The following CENPP variants were observed in gnomAD, a reference collection of about 807,000 sequenced individuals.
CENPP encodes the protein centromere protein P.
Under a neutral mutation model 35.6 loss-of-function variants are expected in CENPP, and 24 were observed. That is an observed-to-expected ratio of 0.67 (90% CI 0.49 to 0.95). The LOEUF is 0.95. Among genes scored for constraint, CENPP ranks in the 40% least tolerant of loss-of-function variants. CENPP has a pLI of 0.00. For synonymous variants in CENPP, 120 were observed against 125.5 expected, an observed-to-expected ratio of 0.96 and a Z score of 0.29; for missense variants, 332 against 345.3, an observed-to-expected ratio of 0.96 and a Z score of 0.31.
At chr9:92,477,816 TA>T (rs1298257737) in intron 5 of CENPP, among the ~76,000 whole-genome samples, 11 of 152,070 alleles carry the variant, frequency 7.2e-5, no homozygotes, top group Non-Finnish European at 5.9e-5. Context: ...TCAGGTACAT[TA>T]ATAGAAAAAC....
chr9:92,358,283 C>T (rs1167223707), intron 4 of CENPP, among the ~76,000 whole-genome samples: 1 of 151,874 alleles, frequency 6.6e-6, no homozygotes, highest in Non-Finnish European at 1.5e-5. Context: ...CCCTCTGTCA[C>T]CCAGGCTAGA....
intron 5 of CENPP, among the ~76,000 whole-genome samples, chr9:92,452,390 C>T (rs1844738566): frequency 6.6e-6 from 1 of 152,134 alleles, no homozygotes; most frequent in African/African-American, 2.4e-5. Flanking sequence ...TGTTTATATG[C>T]TGGATTACAT....
intron 5 of CENPP, chr9:92,459,599 C>T (rs893798348): frequency 1.2e-6 from 2 of 1,601,448 alleles, no homozygotes; most frequent in Non-Finnish European, 1.7e-6. Context: ...AGAAAAATAC[C>T]AATATCTACT....
chr9:92,495,323 G>A, intron 5 of CENPP: 2 of 890,236 alleles, frequency 2.2e-6, no homozygotes, highest in Non-Finnish European at 2.7e-6. Flanking sequence ...CATTATGTTA[G>A]AAAATTTTAA....
chr9:92,423,527 T>A (rs1174847717), intron 5 of CENPP, among the ~76,000 whole-genome samples: 4 of 152,176 alleles, frequency 2.6e-5, no homozygotes, highest in Non-Finnish European at 5.9e-5. Context: ...GCATATAATT[T>A]AGATTTTTCC....
intron 5 of CENPP, among the ~76,000 whole-genome samples, chr9:92,536,982 G>A (rs1321304557): frequency 6.6e-6 from 1 of 150,536 alleles, no homozygotes. Context: ...GGATTCTCCT[G>A]CCTCAGCTTC....
intron 5 of CENPP, among the ~76,000 whole-genome samples, chr9:92,552,922 C>T (rs936470510): frequency 1.3e-4 from 19 of 151,722 alleles, no homozygotes; most frequent in African/African-American, 4.6e-4. Context: ...AGGCCAATGT[C>T]TATTTATTTA....
intron 5 of CENPP, among the ~76,000 whole-genome samples, chr9:92,440,874 TA>T (rs1173130970): frequency 3.3e-5 from 5 of 152,182 alleles, no homozygotes; most frequent in African/African-American, 9.7e-5. Flanking sequence ...TATTGTTCAG[TA>T]AGTCCTCACT....
At chr9:92,486,712 G>A (rs1315960188) in intron 5 of CENPP, among the ~76,000 whole-genome samples, 3 of 151,220 alleles carry the variant, frequency 2.0e-5, no homozygotes, top group Non-Finnish European at 4.4e-5. Flanking sequence ...GTCACTAAAT[G>A]TTCATTCCGT....
intron 5 of CENPP, among the ~76,000 whole-genome samples, chr9:92,595,125 T>C (rs1850748509): frequency 6.6e-6 from 1 of 152,200 alleles, no homozygotes; most frequent in South Asian, 2.1e-4. Flanking sequence ...CTTGAACTCC[T>C]GACCTCAGGT....
rs1194107271 is a variant in CENPP at position 92,523,398 on chromosome 9, A to C, written c.565-87916A>C. Among the ~76,000 whole-genome samples the C allele has an allele frequency of 5.3e-5, 8 of 152,324 alleles. 1 individual carries two copies. The highest frequency in any genetic ancestry group is 1.9e-4 in the African/African-American group (8 of 41,580). ...CATTGTAGCATGAAAGCAGCCATAG[A>C]CAATATGTTGGGGACCAGCCTCAAC... On this transcript the variant is annotated intron_variant, in intron 5 of 7. Coordinates refer to ENST00000375587, the MANE Select transcript of CENPP (RefSeq NM_001012267.3).
chr9:92,369,245 T>C (rs1218434249), intron 4 of CENPP, among the ~76,000 whole-genome samples: 1 of 152,078 alleles, frequency 6.6e-6, no homozygotes, highest in East Asian at 1.9e-4. Context: ...GGGAAATCTA[T>C]GGGCAAGAGC....
At chr9:92,524,214 G>A (rs954828305) in intron 5 of CENPP, among the ~76,000 whole-genome samples, 7 of 152,184 alleles carry the variant, frequency 4.6e-5, no homozygotes, top group African/African-American at 1.7e-4. Context: ...GCGTGATGGT[G>A]CCATATAAAA....
At chr9:92,512,109 T>C (rs1847382324) in intron 5 of CENPP, 1 of 1,613,688 alleles carries the variant, frequency 6.2e-7, no homozygotes, top group African/African-American at 1.3e-5. Context: ...TCATCTGGGA[T>C]GGAGGCGATG....
chr9:92,511,451 A>G (rs2131192519), intron 5 of CENPP, among the ~76,000 whole-genome samples: 1 of 150,394 alleles, frequency 6.6e-6, no homozygotes, highest in South Asian at 2.1e-4. Flanking sequence ...TAAATATATA[A>G]TTAGTCCAAT....
chr9:92,521,679 T>C (rs1403619943), intron 5 of CENPP, among the ~76,000 whole-genome samples: 1 of 152,212 alleles, frequency 6.6e-6, no homozygotes, highest in Non-Finnish European at 1.5e-5. Context: ...AAATGCCTAA[T>C]TGAAATCTTT....
chr9:92,566,422 T>TAA (rs2131347501), intron 5 of CENPP, among the ~76,000 whole-genome samples: 2 of 152,186 alleles, frequency 1.3e-5, no homozygotes, highest in Admixed American at 1.3e-4. Context: ...ATCTACTAGT[T>TAA]AAAGAGTTTT....
In CENPP at chr9:92,544,333, G is replaced by A. The variant is rs551131984; in HGVS notation, c.565-66981G>A. ...TCTACTAAAAATACAAAAATTAGCCGGGTGTGCTGGCACATGCCTGTAAAC... is the reference window on the plus strand; with the variant it reads ...TCTACTAAAAATACAAAAATTAGCCAGGTGTGCTGGCACATGCCTGTAAAC... On this transcript the variant is annotated intron_variant, in intron 5 of 7. Transcript: ENST00000375587. Among the ~76,000 whole-genome samples the A allele has an allele frequency of 4.9e-4, 74 of 152,282 alleles. 1 individual carries two copies. The South Asian group carries it at 0.015, about 30-fold the overall frequency.
intron 5 of CENPP, among the ~76,000 whole-genome samples, chr9:92,490,403 G>A (rs553932719): frequency 6.6e-6 from 1 of 152,244 alleles, no homozygotes; most frequent in Non-Finnish European, 1.5e-5. Flanking sequence ...CTTTTCATGG[G>A]TACTTTTAAT....
Sources: gnomAD v4.1 joint callset for allele counts (sites outside exome capture counted in the v4.1 genomes callset) on GRCh38, gnomAD v4.1.1 for gene constraint, MANE v1.5 for transcripts, NCBI Gene and HGNC (gene_info 2026-07-23, HGNC 2026-07-21) for gene names.